Variants in MACF1 observed in about 807,000 individuals in gnomAD.
MACF1 encodes the protein microtubule-actin cross-linking factor 1.
In MACF1, 193 loss-of-function variants were observed where a neutral mutation model predicts 854.8. That is an observed-to-expected ratio of 0.23 (90% confidence interval 0.20 to 0.25). The LOEUF (loss-of-function observed/expected upper bound fraction) is 0.25, where lower values mean the gene tolerates loss of function less well. MACF1 is among the 10% of genes least tolerant of loss of function. The pLI, the probability that MACF1 is intolerant of heterozygous loss-of-function variation, is 1.00. For missense variants in MACF1, 7,722 were observed against 8,929.1 expected, an observed-to-expected ratio of 0.86 and a Z score of 5.45; for synonymous variants, 3,185 against 3,226.7, an observed-to-expected ratio of 0.99 and a Z score of 0.44.
chr1:39,098,514 C>T (rs922400968), intron 2 of MACF1, among the ~76,000 whole-genome samples: 1 of 152,246 alleles, frequency 6.6e-6, no homozygotes, highest in African/African-American at 2.4e-5. Flanking sequence ...ATTATCTCTA[C>T]TGTGCCTTGG....
intron 2 of MACF1, among the ~76,000 whole-genome samples, chr1:39,154,462 C>G (rs778686975): frequency 1.3e-5 from 2 of 152,128 alleles, no homozygotes; most frequent in African/African-American, 2.4e-5. Context: ...TTCAGTTTCT[C>G]TGACACTGAT....
At chr1:39,390,675 T>A (rs530811881) in intron 58 of MACF1, among the ~76,000 whole-genome samples, 1 of 152,234 alleles carries the variant, frequency 6.6e-6, no homozygotes, top group Non-Finnish European at 1.5e-5. Flanking sequence ...TATAAGTGTC[T>A]CAAAAGCAGA....
rs1474993388 is a variant in MACF1 at position 39,370,025 on chromosome 1, G to A, written c.12939-5G>A. On this transcript the variant is annotated splice_region_variant and splice_polypyrimidine_tract_variant and intron_variant, in intron 50 of 100. Coordinates refer to ENST00000564288, the MANE Select transcript of MACF1 (RefSeq NM_001394062.1). ...TGGCAAGTAACAAAACTGCTTCATT[G>A]ACAGAGAGAAAGATGCATCATCTTG... 7.5e-6 allele frequency: 12 copies of A among 1,607,990 alleles called. No homozygotes were observed. Among genetic ancestry groups the A allele is most frequent in the Non-Finnish European group, 1.0e-5 (12 of 1,177,712 alleles).
chr1:39,349,744 C>T (rs1647135754), intron 42 of MACF1, 117 bp downstream of exon 42: 2 of 1,069,898 alleles, frequency 1.9e-6, no homozygotes, highest in East Asian at 2.7e-5. Context: ...GCAATCCTCC[C>T]ACCTCAGCCT....
intron 2 of MACF1, among the ~76,000 whole-genome samples, chr1:39,170,596 A>G (rs375866470): frequency 3.9e-5 from 6 of 152,366 alleles, no homozygotes; most frequent in African/African-American, 9.6e-5. Flanking sequence ...AGAAAATAAG[A>G]TATCAGTGAA....
At chr1:39,307,723 C>A (rs1646212464) in intron 23 of MACF1, among the ~76,000 whole-genome samples, 1 of 150,914 alleles carries the variant, frequency 6.6e-6, no homozygotes, top group African/African-American at 2.4e-5. Flanking sequence ...CAGGCACACA[C>A]CACCACACCC....
chr1:39,085,439 G>C (rs1641647159), intron 2 of MACF1, among the ~76,000 whole-genome samples: 1 of 152,094 alleles, frequency 6.6e-6, no homozygotes, highest in Admixed American at 6.6e-5. Context: ...CCGTCACCAA[G>C]GCCTGTACTG....
At chr1:39,295,707 G>A in intron 19 of MACF1, 80 bp from the exon 20 acceptor site, 7 of 1,006,974 alleles carry the variant, frequency 7.0e-6, no homozygotes, top group Non-Finnish European at 7.4e-6. Flanking sequence ...TAGCAGAGTT[G>A]TACTTGGAAA....
Position 39,257,807 on chromosome 1 carries a change from TTAAAACTCATAGAACTG to T in MACF1, c.436-126_436-110del. 4.0e-5 allele frequency: 27 copies of T among 679,852 alleles called. 1 individual carries two copies. The South Asian group carries it at 5.0e-4, about 13-fold the overall frequency. 42.1% of individuals were successfully genotyped at this position (679,852 alleles called of 1,614,324 possible). A position where few individuals can be genotyped will look rare whatever the true frequency, so the allele number is the denominator to read the frequency against. ...GTAGTTGCATGAATCTATACATGTG[TTAAAACTCATAGAACTG>T]TACACCAAAAAAGAAATCAGTTTAA... On this transcript the variant is annotated intron_variant, in intron 5 of 100. Transcript: ENST00000564288.
At chr1:39,111,055 C>G (rs1427625645) in intron 2 of MACF1, among the ~76,000 whole-genome samples, 2 of 152,092 alleles carry the variant, frequency 1.3e-5, no homozygotes, top group Non-Finnish European at 2.9e-5. Context: ...ATATATTGAG[C>G]CATGTTGTGA....
In MACF1 at chr1:39,287,339, T is replaced by C. The variant is rs1645665517; in HGVS notation, c.1562T>C (p.Leu521Pro). ...LVTLRLECTN[L>P]YRKGHFTSLE... ...ACCTTGCGTCTAGAGTGTACAAACC[T>C]GTACCGGAAGGGTCATTTCACTTCA... The change falls in exon 15 of 101, where the codon CTG (leucine) becomes CCG (proline). Residue 521 changes from leucine to proline, a missense_variant. By Grantham distance (98) the Leu-to-Pro change is moderately conservative. Around this residue, in one of 15 missense-constraint regions of MACF1, gnomAD observed 1,137 missense variants for 1,263.0 expected, o/e 0.90. Coordinates refer to ENST00000564288, the MANE Select transcript of MACF1 (RefSeq NM_001394062.1). The C allele has an allele frequency of 6.2e-7, 1 of 1,614,194 alleles. No homozygotes were observed. Among genetic ancestry groups the C allele is most frequent in the South Asian group, 1.1e-5 (1 of 91,084 alleles).
chr1:39,290,245 C>CA (rs1455550211), intron 15 of MACF1, among the ~76,000 whole-genome samples: 1 of 152,164 alleles, frequency 6.6e-6, no homozygotes, highest in Admixed American at 6.5e-5. Flanking sequence ...CATTCTTCTA[C>CA]ATACAGATAT....
intron 1 of MACF1, among the ~76,000 whole-genome samples, chr1:39,226,256 A>G (rs886478039): frequency 6.6e-6 from 1 of 152,112 alleles, no homozygotes; most frequent in Admixed American, 6.5e-5. Flanking sequence ...TTTTGGAAGC[A>G]TGATTGGTAT....
chr1:39,208,756 C>T (rs1159440969), intron 1 of MACF1, among the ~76,000 whole-genome samples: 2 of 152,130 alleles, frequency 1.3e-5, no homozygotes, highest in African/African-American at 4.8e-5. Flanking sequence ...TCCTGAGTAG[C>T]TGGGATTACA....
chr1:39,283,534 A>G lies in MACF1; in HGVS notation c.915+19A>G, dbSNP rs1333497664. 9.9e-5 allele frequency: 152 copies of G among 1,539,468 alleles called. No homozygotes were observed. The highest frequency in any genetic ancestry group is 1.3e-4 in the Non-Finnish European group (150 of 1,112,614). ...TGCTACGGTAAAAGAACATTTTCCT[A>G]GAAGGCCTTCTGACTTTGATTCATT... On this transcript the variant is annotated intron_variant, in intron 9 of 100. Coordinates refer to ENST00000564288, the MANE Select transcript of MACF1 (RefSeq NM_001394062.1). The surrounding 1 kb of genome is among the most constrained non-coding windows in gnomAD (Gnocchi z 4.5).
At chr1:39,304,031 T>A (rs77496510) in intron 23 of MACF1, among the ~76,000 whole-genome samples, 3 of 151,804 alleles carry the variant, frequency 2.0e-5, no homozygotes, top group East Asian at 1.9e-4. Context: ...TTTTTTTTTT[T>A]AATTATACTT....
At chr1:39,330,391 T>A (rs1327301143) in intron 36 of MACF1, among the ~76,000 whole-genome samples, 1 of 152,166 alleles carries the variant, frequency 6.6e-6, no homozygotes, top group Non-Finnish European at 1.5e-5. Flanking sequence ...GCTGCATAAA[T>A]CTCTCTTATT....
chr1:39,366,020 G>A (rs1454783470), intron 49 of MACF1, among the ~76,000 whole-genome samples: 1 of 152,156 alleles, frequency 6.6e-6, no homozygotes, highest in African/African-American at 2.4e-5. Flanking sequence ...TTCCATTCAT[G>A]TACCAGAGCA....
chr1:39,288,840 A>G (rs1425467747), intron 15 of MACF1, among the ~76,000 whole-genome samples: 2 of 152,198 alleles, frequency 1.3e-5, no homozygotes, highest in Admixed American at 6.5e-5. Context: ...TATTTTGACT[A>G]TAGTCATCCT....
Sources: allele counts gnomAD v4.1 joint callset (sites outside exome capture counted in the v4.1 genomes callset), GRCh38; gene constraint gnomAD v4.1.1; regional missense constraint gnomAD v4.1.1; non-coding constraint Gnocchi (gnomAD v3.1); transcripts MANE v1.5; gene names NCBI Gene and HGNC (gene_info 2026-07-23, HGNC 2026-07-21).